The following PPP3CC variants were observed in gnomAD, a reference collection of about 807,000 sequenced individuals.
The protein encoded by PPP3CC is protein phosphatase 3 catalytic subunit gamma.
A neutral mutation model predicts 60.3 loss-of-function variants in PPP3CC; 35 were observed. That is an observed-to-expected ratio of 0.58 (90% CI 0.44 to 0.77). The LOEUF (loss-of-function observed/expected upper bound fraction) is 0.77, where lower values mean the gene tolerates loss of function less well. Ranked by LOEUF, PPP3CC falls within the 30% of genes least tolerant of loss-of-function variation. The pLI is 0.00. For missense variants in PPP3CC, 570 were observed against 628.9 expected, an observed-to-expected ratio of 0.91 and a Z score of 1.00; for synonymous variants, 206 against 224.3, an observed-to-expected ratio of 0.92 and a Z score of 0.73.
chr8:22,530,129 G>A (rs1223205182), intron 10 of PPP3CC, among the ~76,000 whole-genome samples: 1 of 152,194 alleles, frequency 6.6e-6, no homozygotes, highest in African/African-American at 2.4e-5. Context: ...GTTCCGCACT[G>A]AAGATCAACA....
intron 12 of PPP3CC, among the ~76,000 whole-genome samples, chr8:22,537,000 T>G (rs1047916485): frequency 1.3e-5 from 2 of 152,166 alleles, no homozygotes; most frequent in Admixed American, 1.3e-4. Context: ...AGCATCCCAG[T>G]AGCCAAAATA....
At chr8:22,511,052 G>C in intron 4 of PPP3CC, 34 bp from the exon 5 acceptor site, 1 of 1,607,788 alleles carries the variant, frequency 6.2e-7, no homozygotes, top group African/African-American at 1.3e-5. Context: ...ATACGTTTTA[G>C]TTCTTCCATT....
At chr8:22,534,221 C>T (rs1333933646) in intron 12 of PPP3CC, among the ~76,000 whole-genome samples, 2 of 149,990 alleles carry the variant, frequency 1.3e-5, no homozygotes, top group Non-Finnish European at 3.0e-5. Flanking sequence ...AAACAAACAC[C>T]ACAGTGAGGT....
At chr8:22,450,168 T>A (rs1257223309) in intron 1 of PPP3CC, among the ~76,000 whole-genome samples, 1 of 152,078 alleles carries the variant, frequency 6.6e-6, no homozygotes, top group Non-Finnish European at 1.5e-5. Context: ...CGCGCCCGGC[T>A]GTGATGACCA....
intron 3 of PPP3CC, among the ~76,000 whole-genome samples, chr8:22,482,424 C>G (rs1838096450): frequency 6.6e-6 from 1 of 152,050 alleles, no homozygotes; most frequent in African/African-American, 2.4e-5. Flanking sequence ...ATTATAGATT[C>G]TGGATATTAG....
chr8:22,517,069 A>G (rs1372860653), intron 6 of PPP3CC, among the ~76,000 whole-genome samples: 3 of 152,204 alleles, frequency 2.0e-5, no homozygotes, highest in African/African-American at 7.2e-5. Context: ...GTAGTGTTTC[A>G]TTATTTGCTA....
intron 1 of PPP3CC, among the ~76,000 whole-genome samples, chr8:22,455,102 T>C (rs985081601): frequency 6.6e-6 from 1 of 151,718 alleles, no homozygotes; most frequent in Non-Finnish European, 1.5e-5. Context: ...CCTAAAATGC[T>C]TAAGAAGAAA....
rs115930641 is a variant in PPP3CC, at chr8:22,534,627, G to T, written c.1321+1609G>T. ...GAGAAACTGGATGTGTTCACCAAAG[G>T]TTATGCATGGGAATGTTCACTGTAG... On this transcript the variant is annotated intron_variant, in intron 12 of 13. Coordinates refer to ENST00000240139, the MANE Select transcript of PPP3CC (RefSeq NM_005605.5). Among the ~76,000 whole-genome samples, 514 of 152,288 alleles carry T rather than the reference G, an allele frequency of 3.4e-3. 7 individuals are homozygous for T. The highest frequency in any genetic ancestry group is 0.011 in the African/African-American group (449 of 41,536).
intron 3 of PPP3CC, among the ~76,000 whole-genome samples, chr8:22,477,229 C>A (rs1837916743): frequency 6.6e-6 from 1 of 152,132 alleles, no homozygotes; most frequent in African/African-American, 2.4e-5. Context: ...GTAATCCCAG[C>A]ACTTTGGGAG....
chr8:22,522,376 T>C, intron 6 of PPP3CC, 115 bp from the exon 7 acceptor site: 1 of 740,778 alleles, frequency 1.3e-6, no homozygotes, highest in Non-Finnish European at 2.2e-6. Context: ...CAGTAGTGTG[T>C]AATACTTGTA....
chr8:22,528,158 C>T (rs1161357581), intron 9 of PPP3CC, among the ~76,000 whole-genome samples: 3 of 152,086 alleles, frequency 2.0e-5, no homozygotes, highest in African/African-American at 7.2e-5. Context: ...TTAGCTAAGC[C>T]TGTTGGACGT....
intron 3 of PPP3CC, among the ~76,000 whole-genome samples, chr8:22,487,723 A>C (rs887026996): frequency 3.3e-5 from 5 of 152,232 alleles, no homozygotes; most frequent in Non-Finnish European, 5.9e-5. Flanking sequence ...AAAAGAAAAG[A>C]TTAAAGGGAA....
chr8:22,520,370 A>T (rs932970451), intron 6 of PPP3CC, among the ~76,000 whole-genome samples: 1 of 152,118 alleles, frequency 6.6e-6, no homozygotes, highest in Non-Finnish European at 1.5e-5. Flanking sequence ...TAGATTTGTT[A>T]AACTGTTAGC....
intron 3 of PPP3CC, among the ~76,000 whole-genome samples, chr8:22,484,312 TA>T (rs1838159937): frequency 6.6e-6 from 1 of 152,138 alleles, no homozygotes; most frequent in South Asian, 2.1e-4. Flanking sequence ...TATGAGATTT[TA>T]TTATGTAGAC....
intron 4 of PPP3CC, among the ~76,000 whole-genome samples, chr8:22,504,994 A>C (rs934678972): frequency 4.0e-5 from 6 of 150,816 alleles, no homozygotes; most frequent in African/African-American, 1.5e-4. Flanking sequence ...GAGTTTCTAA[A>C]GTAAATGAAT....
chr8:22,496,483 A>ATTTTTTTTTTTTTTTT (rs1563741124), intron 3 of PPP3CC, among the ~76,000 whole-genome samples: 4 of 77,056 alleles, frequency 5.2e-5, no homozygotes, highest in Non-Finnish European at 7.8e-5. Context: ...GAGAACTGTA[A>ATTTTTTTTTTTTTTTT]TCTTTTTTTT....
chr8:22,507,203 G>A (rs1333610724), intron 4 of PPP3CC, among the ~76,000 whole-genome samples: 3 of 152,126 alleles, frequency 2.0e-5, no homozygotes, highest in Non-Finnish European at 4.4e-5. Context: ...GTGATTTCTT[G>A]CAAGTAGTGC....
intron 4 of PPP3CC, among the ~76,000 whole-genome samples, chr8:22,499,886 T>C (rs1380450578): frequency 6.6e-6 from 1 of 152,208 alleles, no homozygotes; most frequent in Non-Finnish European, 1.5e-5. Flanking sequence ...CACCTGAGAT[T>C]TATGTGTATT....
intron 4 of PPP3CC, among the ~76,000 whole-genome samples, chr8:22,504,762 T>C (rs1173484367): frequency 6.9e-6 from 1 of 144,092 alleles, no homozygotes; most frequent in African/African-American, 2.5e-5. Flanking sequence ...TTCCCTAGGT[T>C]GGAACACACT....
Sources: gnomAD v4.1 joint callset for allele counts (sites outside exome capture counted in the v4.1 genomes callset) on GRCh38, gnomAD v4.1.1 for gene constraint, MANE v1.5 for transcripts, NCBI Gene and HGNC (gene_info 2026-07-23, HGNC 2026-07-21) for gene names.